MAGI1: variants seen among roughly 807,000 people sequenced by gnomAD.
The protein encoded by MAGI1 is membrane-associated guanylate kinase, WW and PDZ domain-containing protein 1.
In MAGI1, 58 loss-of-function variants were observed where a neutral mutation model predicts 139.9. The observed-to-expected ratio is 0.41, with a 90% CI of 0.34 to 0.52. The LOEUF (loss-of-function observed/expected upper bound fraction) is 0.52, where lower values mean the gene tolerates loss of function less well. Among genes scored for constraint, MAGI1 ranks in the 20% least tolerant of loss-of-function variants. MAGI1 has a pLI of 0.12. For synonymous variants in MAGI1, 812 were observed against 737.9 expected, an observed-to-expected ratio of 1.10 and a Z score of -1.63; for missense variants, 1,874 against 1,901.6, an observed-to-expected ratio of 0.99 and a Z score of 0.27.
chr3:65,890,318 T>C (rs554082718), intron 1 of MAGI1, among the ~76,000 whole-genome samples: 1 of 152,118 alleles, frequency 6.6e-6, no homozygotes, highest in African/African-American at 2.4e-5. Flanking sequence ...TGAGCAGAGA[T>C]AGCGCCACTG....
chr3:65,903,444 G>C (rs1038707593), intron 1 of MAGI1, among the ~76,000 whole-genome samples: 2 of 152,152 alleles, frequency 1.3e-5, no homozygotes, highest in East Asian at 3.9e-4. Flanking sequence ...CAGGATAACA[G>C]CAATGCCTAC....
At chr3:65,390,290 T>C (rs1559516920) in intron 14 of MAGI1, among the ~76,000 whole-genome samples, 1 of 152,038 alleles carries the variant, frequency 6.6e-6, no homozygotes, top group African/African-American at 2.4e-5. Context: ...ATCTCCACCA[T>C]CACAACACCT....
chr3:65,553,214 G>A (rs148549555), intron 2 of MAGI1, among the ~76,000 whole-genome samples: 17 of 151,122 alleles, frequency 1.1e-4, no homozygotes, highest in East Asian at 9.7e-4. Context: ...AGCTATGCAC[G>A]GTATAACAAT....
chr3:65,710,871 A>C (rs532574131), intron 1 of MAGI1, among the ~76,000 whole-genome samples: 1 of 152,186 alleles, frequency 6.6e-6, no homozygotes, highest in African/African-American at 2.4e-5. Context: ...CCATTGATAC[A>C]GACTTTCTCC....
intron 1 of MAGI1, among the ~76,000 whole-genome samples, chr3:65,946,741 A>G (rs2063562889): frequency 6.6e-6 from 1 of 152,218 alleles, no homozygotes; most frequent in Admixed American, 6.5e-5. Context: ...CAGAAGAGGT[A>G]GGGCCAGGGA....
At chr3:65,509,266 C>T (rs946709183) in intron 2 of MAGI1, among the ~76,000 whole-genome samples, 4 of 152,138 alleles carry the variant, frequency 2.6e-5, no homozygotes, top group African/African-American at 9.7e-5. Context: ...CAACACATAA[C>T]ATATGTTACA....
intron 1 of MAGI1, among the ~76,000 whole-genome samples, chr3:65,980,992 C>G (rs370168003): frequency 1.3e-5 from 2 of 151,892 alleles, no homozygotes; most frequent in East Asian, 3.9e-4. Flanking sequence ...AACCCAGTCT[C>G]TACTAAAAAT....
chr3:65,821,705 AACATC>A (rs2041960880), intron 1 of MAGI1, among the ~76,000 whole-genome samples: 1 of 152,210 alleles, frequency 6.6e-6, no homozygotes, highest in Admixed American at 6.5e-5. Context: ...CAAAAGAAGC[AACATC>A]ATCATCACAA....
chr3:65,537,723 C>T (rs2079026212), intron 2 of MAGI1, among the ~76,000 whole-genome samples: 1 of 152,104 alleles, frequency 6.6e-6, no homozygotes, highest in South Asian at 2.1e-4. Context: ...TAAGTGAATG[C>T]AAAGGAAACA....
chr3:65,399,292 C>T (rs139314753), intron 13 of MAGI1, among the ~76,000 whole-genome samples: 224 of 152,296 alleles, frequency 1.5e-3, no homozygotes, highest in Non-Finnish European at 2.4e-3. Context: ...TCTGACCCCA[C>T]CAGAAAAATC....
chr3:65,735,876 C>T (rs979737411), intron 1 of MAGI1, among the ~76,000 whole-genome samples: 4 of 152,128 alleles, frequency 2.6e-5, no homozygotes, highest in Non-Finnish European at 5.9e-5. Flanking sequence ...TTACAGGCAC[C>T]ATGTCAATAA....
chr3:65,577,256 C>T (rs1383536634), intron 2 of MAGI1, among the ~76,000 whole-genome samples: 1 of 151,922 alleles, frequency 6.6e-6, no homozygotes, highest in African/African-American at 2.4e-5. Context: ...CCAAAAAAAC[C>T]CTCCACATAT....
chr3:65,566,339 G>A (rs6799284), intron 2 of MAGI1, among the ~76,000 whole-genome samples: 116,753 of 152,058 alleles, frequency 0.77, 45,091 homozygotes, highest in East Asian at 1. Flanking sequence ...TATTATCTAT[G>A]TACTCAGAAA....
chr3:65,658,543 T>A (rs1445833590), intron 1 of MAGI1, among the ~76,000 whole-genome samples: 1 of 152,148 alleles, frequency 6.6e-6, no homozygotes, highest in Non-Finnish European at 1.5e-5. Context: ...TTAATACGCA[T>A]CTCAATTATC....
intron 1 of MAGI1, among the ~76,000 whole-genome samples, chr3:65,867,465 T>C (rs1274906514): frequency 6.6e-6 from 1 of 152,154 alleles, no homozygotes; most frequent in South Asian, 2.1e-4. Context: ...CCAGGCATGG[T>C]GGCTCACGCC....
At chr3:65,648,693 T>C (rs1164117569) in intron 1 of MAGI1, among the ~76,000 whole-genome samples, 1 of 152,200 alleles carries the variant, frequency 6.6e-6, no homozygotes, top group East Asian at 1.9e-4. Context: ...TGAATGTTTT[T>C]TGTAGATATA....
intron 13 of MAGI1, 66 bp downstream of exon 13, chr3:65,401,373 C>CCCCCCCCCCCCCCCCCCCCAA: frequency 1.7e-6 from 1 of 605,098 alleles, no homozygotes; most frequent in Non-Finnish European, 3.1e-6. Flanking sequence ...AGAGTACCCT[C>CCCCCCCCCCCCCCCCCCCCAA]CCACCTCCAG....
At chr3:65,785,642 A>C (rs75702691) in intron 1 of MAGI1, among the ~76,000 whole-genome samples, 7,104 of 152,298 alleles carry the variant, frequency 0.047, 384 homozygotes, top group Admixed American at 0.17. Context: ...TCTCTGTTCT[A>C]TCTCTAGCAC....
At chr3:65,538,412 C>A (rs1183853930) in intron 2 of MAGI1, among the ~76,000 whole-genome samples, 1 of 152,162 alleles carries the variant, frequency 6.6e-6, no homozygotes, top group African/African-American at 2.4e-5. Flanking sequence ...ATAAAAAACA[C>A]TGATCTCTAT....
Sources: gnomAD v4.1 joint callset for allele counts (sites outside exome capture counted in the v4.1 genomes callset) on GRCh38, gnomAD v4.1.1 for gene constraint, MANE v1.5 for transcripts, NCBI Gene and HGNC (gene_info 2026-07-23, HGNC 2026-07-21) for gene names.